The following BCL7C variants were observed in gnomAD, a reference collection of about 807,000 sequenced individuals.
BCL7C encodes the protein B-cell CLL/lymphoma 7 protein family member C.
Under a neutral mutation model 26.2 loss-of-function variants are expected in BCL7C, and 8 were observed. That is an observed-to-expected ratio of 0.30 (90% CI 0.18 to 0.55). The LOEUF (loss-of-function observed/expected upper bound fraction) is 0.55, where lower values mean the gene tolerates loss of function less well. Ranked by LOEUF, BCL7C falls within the 20% of genes least tolerant of loss-of-function variation. The pLI, the probability that BCL7C is intolerant of heterozygous loss-of-function variation, is 0.93. For missense variants in BCL7C, 262 were observed against 298.5 expected (o/e 0.88, Z 0.90); for synonymous variants, 90 against 116.5 (o/e 0.77, Z 1.47).
intron 5 of BCL7C, among the ~76,000 whole-genome samples, chr16:30,873,071 T>A (rs1458496840): frequency 8.5e-6 from 1 of 117,038 alleles, no homozygotes; most frequent in African/African-American, 3.3e-5. Flanking sequence ...AACTCACGTT[T>A]TGATGGAACT....
chr16:30,888,637 G>A (rs778433848), intron 5 of BCL7C: 70 of 394,212 alleles, frequency 1.8e-4, no homozygotes, highest in Non-Finnish European at 2.9e-4. Context: ...GCCCAGCTTT[G>A]TCAGGCTTTT....
At chr16:30,849,468 T>C (rs2054657501) in intron 5 of BCL7C, among the ~76,000 whole-genome samples, 1 of 152,178 alleles carries the variant, frequency 6.6e-6, no homozygotes. Flanking sequence ...TTTTGTTTTT[T>C]TGAGACTGAG....
At chr16:30,877,143 C>T (rs1329055313) in intron 5 of BCL7C, among the ~76,000 whole-genome samples, 1 of 152,110 alleles carries the variant, frequency 6.6e-6, no homozygotes, top group Non-Finnish European at 1.5e-5. Context: ...GCAGAGACTC[C>T]GCCCCCAGGG....
chr16:30,866,224 G>T (rs1026529935), intron 5 of BCL7C, among the ~76,000 whole-genome samples: 2 of 151,994 alleles, frequency 1.3e-5, no homozygotes, highest in Non-Finnish European at 2.9e-5. Flanking sequence ...TATTTACCAT[G>T]TATCCATAGA....
At chr16:30,842,952 G>A (rs912447416) in intron 5 of BCL7C, among the ~76,000 whole-genome samples, 9 of 152,144 alleles carry the variant, frequency 5.9e-5, no homozygotes, top group Admixed American at 4.6e-4. Flanking sequence ...GGCCAAAATG[G>A]TTTTAACTGA....
chr16:30,864,932 G>A (rs2054812018), intron 5 of BCL7C, among the ~76,000 whole-genome samples: 1 of 145,912 alleles, frequency 6.9e-6, no homozygotes, highest in South Asian at 2.2e-4. Context: ...ACTTTGGGAG[G>A]CCGAGGTTGG....
At chr16:30,846,097 G>A (rs2151361312) in intron 5 of BCL7C, among the ~76,000 whole-genome samples, 3 of 139,818 alleles carry the variant, frequency 2.1e-5, no homozygotes, top group South Asian at 2.5e-4. Context: ...GCAACAGAGC[G>A]AGACTCCATC....
At chr16:30,847,861 G>A (rs772156447) in intron 5 of BCL7C, among the ~76,000 whole-genome samples, 20 of 151,804 alleles carry the variant, frequency 1.3e-4, no homozygotes, top group Non-Finnish European at 2.5e-4. Context: ...TACACACTGA[G>A]ACCCAGGAGA....
chr16:30,884,302 T>A (rs1436896041), downstream of BCL7C, among the ~76,000 whole-genome samples: 1 of 151,982 alleles, frequency 6.6e-6, no homozygotes, highest in Non-Finnish European at 1.5e-5. Flanking sequence ...GCCAGGCTTC[T>A]GTCCCCAGCC....
downstream of BCL7C, among the ~76,000 whole-genome samples, chr16:30,887,152 TACAAAA>T: frequency 6.6e-6 from 1 of 151,882 alleles, no homozygotes; most frequent in South Asian, 2.1e-4. Flanking sequence ...CTACTAAAAA[TACAAAA>T]ATTAGCCGGG....
rs1454451619 is a variant in BCL7C at position 30,851,692 on chromosome 16, G to A, written c.529-16544C>T. 4 of 736,100 alleles carry A rather than the reference G, an allele frequency of 5.4e-6. No individual in the cohort carries two copies. The African/African-American group carries it at 7.0e-5, about 13-fold the overall frequency. 45.6% of individuals were successfully genotyped at this position (736,100 alleles called of 1,614,324 possible). On this transcript the variant is annotated intron_variant, in intron 5 of 5. Coordinates refer to the BCL7C transcript ENST00000380317. The stretch of plus-strand genomic sequence containing the variant: ...ACTTCTCAGATGTAATGGTTTCACT[G>A]GGATTCAGAAAGTTGCAGTGGATCA...
chr16:30,885,324 G>A (rs1440364291), downstream of BCL7C, among the ~76,000 whole-genome samples: 1 of 152,068 alleles, frequency 6.6e-6, no homozygotes, highest in Non-Finnish European at 1.5e-5. Flanking sequence ...CCTCTGGAGG[G>A]AACTACTGCT....
chr16:30,880,602 G>T (rs920749721), intron 5 of BCL7C, among the ~76,000 whole-genome samples: 2 of 152,088 alleles, frequency 1.3e-5, no homozygotes, highest in Non-Finnish European at 1.5e-5. Context: ...AGATGAGAAG[G>T]GGGCAACGGG....
intron 5 of BCL7C, among the ~76,000 whole-genome samples, chr16:30,880,391 C>A (rs897815223): frequency 2.6e-5 from 4 of 151,504 alleles, no homozygotes; most frequent in Non-Finnish European, 4.4e-5. Flanking sequence ...CAGATCAAGG[C>A]CCTGTCTTAT....
At position 30,892,628 on chromosome 16, in the gene BCL7C, C is replaced by G. The variant is rs760991210; in HGVS notation, c.400G>C (p.Val134Leu). The G allele has an allele frequency of 1.9e-6, 3 of 1,605,986 alleles. No individual in the cohort carries two copies. The highest frequency in any genetic ancestry group is 4.5e-5 in the East Asian group (2 of 44,836). Residue 134 changes from valine to leucine, a missense_variant, in exon 4 of 6, where the codon GTC becomes CTC. Val to Leu is a conservative substitution (Grantham distance 32). Transcript: ENST00000215115. The stretch of plus-strand genomic sequence containing the variant: ...CGTGGGGGCTGAGCCTCCTCAGGGA[C>G]CCCTTCTGGGGGTCCGGCAGGTGAC... ...PVSPAGPPEG[V>L]PEEAQPPRLG...
intron 5 of BCL7C, among the ~76,000 whole-genome samples, chr16:30,845,065 C>T (rs1295694444): frequency 1.3e-5 from 2 of 152,190 alleles, no homozygotes; most frequent in Non-Finnish European, 2.9e-5. Context: ...CAACACTTTA[C>T]CACGTTCCCT....
intron 5 of BCL7C, among the ~76,000 whole-genome samples, chr16:30,872,551 G>A (rs753672455): frequency 2.0e-5 from 3 of 152,192 alleles, no homozygotes; most frequent in Non-Finnish European, 4.4e-5. Context: ...GAAAGCCCCA[G>A]TGGCAAATGA....
At chr16:30,878,494 G>C (rs1486997343) in intron 5 of BCL7C, among the ~76,000 whole-genome samples, 3 of 148,346 alleles carry the variant, frequency 2.0e-5, no homozygotes, top group African/African-American at 2.5e-5. Context: ...AGCCGAGATC[G>C]TGCCACTGCA....
chr16:30,853,563 C>T (rs2054695148), intron 5 of BCL7C, among the ~76,000 whole-genome samples: 1 of 152,162 alleles, frequency 6.6e-6, no homozygotes, highest in African/African-American at 2.4e-5. Context: ...TTTAATCATA[C>T]ATTTGCTTGT....
Sources: allele counts gnomAD v4.1 joint callset (sites outside exome capture counted in the v4.1 genomes callset), GRCh38; gene constraint gnomAD v4.1.1; transcripts MANE v1.5; gene names NCBI Gene and HGNC (gene_info 2026-07-23, HGNC 2026-07-21).